The following TUSC2 variants were observed in gnomAD, a reference collection of about 807,000 sequenced individuals.
TUSC2 encodes tumor suppressor candidate 2.
In TUSC2, 7 loss-of-function variants were observed where a neutral mutation model predicts 11.5. The ratio of observed to expected loss-of-function variants is 0.61; its 90% confidence interval spans 0.35 to 1.14. The LOEUF is 1.14. Ranked by LOEUF, TUSC2 falls within the 50% of genes most tolerant of loss-of-function variation. The pLI is 0.03. For synonymous variants in TUSC2, 61 were observed against 64.1 expected, an observed-to-expected ratio of 0.95 and a Z score of 0.23; for missense variants, 132 against 155.0, an observed-to-expected ratio of 0.85 and a Z score of 0.79.
chr3:50,327,124 A>G (rs1553717479), intron 1 of TUSC2: 2 of 456,438 alleles, frequency 4.4e-6, no homozygotes, highest in Non-Finnish European at 8.8e-6. Flanking sequence ...GCCTTCACCC[A>G]GGACTTCTAG....
rs1326162707 is a variant in TUSC2, at chr3:50,325,940, C to G, written c.*181G>C. The G allele has an allele frequency of 5.4e-5, 41 of 755,668 alleles. No individual in the cohort carries two copies. Among genetic ancestry groups the G allele is most frequent in the Non-Finnish European group, 8.6e-5 (40 of 463,596 alleles). 46.8% of individuals were successfully genotyped at this position (755,668 alleles called of 1,614,324 possible). A position where few individuals can be genotyped will look rare whatever the true frequency, so the allele number is the denominator to read the frequency against. ...ACCCACCAACCACCTCTTGTCCACACACAAACCAACACCCAACCAATACTG... is the reference window on the plus strand; with the variant it reads ...ACCCACCAACCACCTCTTGTCCACAGACAAACCAACACCCAACCAATACTG... On this transcript the variant is annotated 3_prime_UTR_variant, in exon 3 of 3. Transcript: ENST00000232496. This position sits in a 1 kb window ranked among gnomAD's most constrained non-coding sequence, Gnocchi z 5.1.
chr3:50,327,340 G>C, intron 1 of TUSC2: 2 of 426,438 alleles, frequency 4.7e-6, no homozygotes, highest in Non-Finnish European at 9.5e-6. Flanking sequence ...CTCTAGCACA[G>C]GGAGCGCCCA....
Position 50,328,217 on chromosome 3 carries a change from C to T in TUSC2, c.-118G>A. On this transcript the variant is annotated 5_prime_UTR_variant, in exon 1 of 3. Transcript: ENST00000232496. ...TGCCGCCGCCGCCGCCTTCCGCAGG[C>T]TCGGCTGTCTCCACGGAAACCTCAC... 1 of 1,195,678 alleles carries T rather than the reference C, an allele frequency of 8.4e-7. No homozygotes were observed. Among genetic ancestry groups the T allele is most frequent in the East Asian group, 3.2e-5 (1 of 31,324 alleles). The allele number at this position is 1,195,678 out of a possible 1,614,324, so 74.1% of individuals were successfully genotyped here. A position where few individuals can be genotyped will look rare whatever the true frequency, so the allele number is the denominator to read the frequency against.
chr3:50,325,099 T>C lies in TUSC2; in HGVS notation c.*1022A>G, dbSNP rs587659955. ...CATCATCATGGACTATTTACAAACC[T>C]TCACATTATAAGTATTCCTTTTATG... On this transcript the variant is annotated 3_prime_UTR_variant, in exon 3 of 3. Coordinates refer to ENST00000232496, the MANE Select transcript of TUSC2 (RefSeq NM_007275.3). This position sits in a 1 kb window ranked among gnomAD's most constrained non-coding sequence, Gnocchi z 5.1. 6.5e-6 allele frequency: 1 copy of C among 152,708 alleles called. No homozygotes were observed. Among genetic ancestry groups the C allele is most frequent in the South Asian group, 2.1e-4 (1 of 4,830 alleles). 9.5% of individuals were successfully genotyped at this position (152,708 alleles called of 1,614,324 possible).
intron 1 of TUSC2, chr3:50,326,997 T>C: frequency 2.8e-6 from 1 of 356,462 alleles, no homozygotes; most frequent in Non-Finnish European, 5.5e-6. Flanking sequence ...GCAGTGCTAC[T>C]ATGTCAGACC....
chr3:50,326,525 G>A (rs782409152), intron 1 of TUSC2, 48 bp from the exon 2 acceptor site: 2 of 1,604,362 alleles, frequency 1.2e-6, no homozygotes, highest in South Asian at 2.2e-5. Context: ...CCCACACCTG[G>A]GCATGGCAAA....
In TUSC2 at chr3:50,326,157, G is replaced by A; in HGVS notation, c.297C>T (p.Ile99=). Residue 99 remains isoleucine (I), a synonymous_variant, in exon 3 of 3, where the codon ATC becomes ATT. Transcript: ENST00000232496. ...QGIVKLDHPR[I]HVDFPVILYE... Reference sequence around the variant, plus strand: ...AGAGGATCACAGGGAAATCCACGTGGATGCGGGGGTGATCCAGCTTCACGA... The same window carrying A: ...AGAGGATCACAGGGAAATCCACGTGAATGCGGGGGTGATCCAGCTTCACGA... 1 of 1,598,760 alleles carries A rather than the reference G, an allele frequency of 6.3e-7. No individual in the cohort carries two copies. The highest frequency in any genetic ancestry group is 8.5e-7 in the Non-Finnish European group (1 of 1,172,854).
In TUSC2 at chr3:50,328,046, G is replaced by T; in HGVS notation, c.54C>A (p.Ala18=). 6.7e-7 allele frequency: 1 copy of T among 1,494,938 alleles called. No homozygotes were observed. The allele number at this position is 1,494,938 out of a possible 1,614,324, so 92.6% of individuals were successfully genotyped here. A position where few individuals can be genotyped will look rare whatever the true frequency, so the allele number is the denominator to read the frequency against. ...CTGCTGCCTCTGAGCCGCCGCCTCC[G>T]GCCGCCGAGGCGAAGGGCCACAGGC... is the stretch of plus-strand genomic sequence containing the variant. ...ARGLWPFASA[A]GGGGSEAAGA... is the part of the protein sequence containing the mutation. The change falls in exon 1 of 3, where the codon GCC becomes GCA. Residue 18 remains alanine, a synonymous_variant. Coordinates refer to ENST00000232496, the MANE Select transcript of TUSC2 (RefSeq NM_007275.3).
rs1052803759 is a variant in TUSC2, at chr3:50,326,202, A to G, written c.268-16T>C. On this transcript the variant is annotated splice_polypyrimidine_tract_variant and intron_variant, in intron 2 of 2. Transcript: ENST00000232496. ...TCACGATGCCCTGCCATGGAAACAG[A>G]GGCTAGTAAGGGTCAGCTCAGGGCC... 3.1e-6 allele frequency: 5 copies of G among 1,604,518 alleles called. No individual in the cohort carries two copies. The African/African-American group carries it at 6.7e-5, about 21-fold the overall frequency.
chr3:50,328,164 A>G lies in TUSC2; in HGVS notation c.-65T>C. The G allele has an allele frequency of 7.7e-7, 1 of 1,303,720 alleles. No homozygotes were observed. The highest frequency in any genetic ancestry group is 9.8e-7 in the Non-Finnish European group (1 of 1,025,206). The allele number at this position is 1,303,720 out of a possible 1,614,324, so 80.8% of individuals were successfully genotyped here. A position where few individuals can be genotyped will look rare whatever the true frequency, so the allele number is the denominator to read the frequency against. ...TGCTCACACCGCAGTCCGCACTACC[A>G]TAACCTGCCCCAGCCGCTGATCGCA... On this transcript the variant is annotated 5_prime_UTR_variant, in exon 1 of 3. The change abolishes an upstream ATG in the 5' untranslated region. Transcript: ENST00000232496.
Position 50,326,068 on chromosome 3 carries a change from C to A in TUSC2, c.*53G>T, listed in dbSNP as rs1413687521. On this transcript the variant is annotated 3_prime_UTR_variant, in exon 3 of 3. Coordinates refer to ENST00000232496, the MANE Select transcript of TUSC2 (RefSeq NM_007275.3). ...CAATGGAAGCCACACCTTGATTGAG[C>A]CTGGGAGTTTCTTGCCGGGGCAGGG... 7 of 1,550,640 alleles carry A rather than the reference C, an allele frequency of 4.5e-6. No individual in the cohort carries two copies. The highest frequency in any genetic ancestry group is 6.1e-6 in the Non-Finnish European group (7 of 1,145,664).
At position 50,328,189 on chromosome 3, in the gene TUSC2, A is replaced by AGGTGCC; in HGVS notation, c.-96_-91dup. On this transcript the variant is annotated 5_prime_UTR_variant, in exon 1 of 3. Transcript: ENST00000232496. Reference sequence around the variant, plus strand: ...ATAACCTGCCCCAGCCGCTGATCGCAGGTGCCGCCGCCGCCGCCTTCCGCA... The same window carrying AGGTGCC: ...ATAACCTGCCCCAGCCGCTGATCGCAGGTGCCGGTGCCGCCGCCGCCGCCTTCCGCA... The AGGTGCC allele has an allele frequency of 7.8e-7, 1 of 1,283,158 alleles. No homozygotes were observed. The highest frequency in any genetic ancestry group is 9.9e-7 in the Non-Finnish European group (1 of 1,009,922). The allele number at this position is 1,283,158 out of a possible 1,614,324, so 79.5% of individuals were successfully genotyped here.
chr3:50,328,123 G>C lies in TUSC2; in HGVS notation c.-24C>G. ...ATGTCAGGGCCGCCGGCGCATGGCG[G>C]GCCCCGTGGCCGCTCTGCTCACACC... On this transcript the variant is annotated 5_prime_UTR_variant, in exon 1 of 3. Coordinates refer to ENST00000232496, the MANE Select transcript of TUSC2 (RefSeq NM_007275.3). 1 of 1,364,264 alleles carries C rather than the reference G, an allele frequency of 7.3e-7. No individual in the cohort carries two copies. Among genetic ancestry groups the C allele is most frequent in the Non-Finnish European group, 9.4e-7 (1 of 1,060,098 alleles). The allele number at this position is 1,364,264 out of a possible 1,614,324, so 84.5% of individuals were successfully genotyped here.
intron 1 of TUSC2, 77 bp from the exon 2 acceptor site, chr3:50,326,554 A>C: frequency 1.3e-6 from 2 of 1,587,834 alleles, no homozygotes; most frequent in Non-Finnish European, 1.7e-6. Context: ...GTCACGGGGA[A>C]GTCTGTGGTC....
chr3:50,327,238 CA>C, intron 1 of TUSC2: 1 of 456,716 alleles, frequency 2.2e-6, no homozygotes, highest in South Asian at 1.5e-5. Flanking sequence ...GGAAGAAGCA[CA>C]AAGGAATGAA....
At position 50,325,592 on chromosome 3, in the gene TUSC2, G is replaced by A. The variant is rs72932983; in HGVS notation, c.*529C>T. On this transcript the variant is annotated 3_prime_UTR_variant, in exon 3 of 3. Transcript: ENST00000232496. The surrounding 1 kb of genome is among the most constrained non-coding windows in gnomAD (Gnocchi z 5.1). ...CAGGTAGGTCGGAAGAATCAGGCTG[G>A]CACTGCCCCCAGCCTCTGTCCAACA... The A allele has an allele frequency of 0.034, 5,204 of 155,112 alleles. 302 individuals carry two copies. Among genetic ancestry groups the A allele is most frequent in the African/African-American group, 0.12 (4,915 of 41,512 alleles). The allele number at this position is 155,112 out of a possible 1,614,324, so 9.6% of individuals were successfully genotyped here.
rs1553717370 is a variant in TUSC2, at chr3:50,326,183, T to C, written c.271A>G (p.Ile91Val). 1 of 1,602,310 alleles carries C rather than the reference T, an allele frequency of 6.2e-7. No homozygotes were observed. Among genetic ancestry groups the C allele is most frequent in the African/African-American group, 1.3e-5 (1 of 74,722 alleles). The change falls in exon 3 of 3, where the codon ATC becomes GTC. Residue 91 changes from isoleucine (I) to valine (V), a missense_variant. Physicochemically the swap from Ile to Val is conservative, Grantham distance 29 (BLOSUM62 3). Coordinates refer to ENST00000232496, the MANE Select transcript of TUSC2 (RefSeq NM_007275.3). ...ATGCGGGGGTGATCCAGCTTCACGA[T>C]GCCCTGCCATGGAAACAGAGGCTAG... The part of the protein sequence containing the change: ...RVHKNLIPQG[I>V]VKLDHPRIHV...
intron 1 of TUSC2, among the ~76,000 whole-genome samples, chr3:50,326,845 T>C (rs1553717455): frequency 1.3e-5 from 2 of 152,178 alleles, no homozygotes; most frequent in Non-Finnish European, 2.9e-5. Flanking sequence ...CTCGAACTCC[T>C]GAACTCAGGC....
chr3:50,327,272 C>T (rs1702802275), intron 1 of TUSC2: 1 of 456,160 alleles, frequency 2.2e-6, no homozygotes, highest in Admixed American at 2.3e-5. Flanking sequence ...CCTGACCCCA[C>T]ACCCCAGGTG....
Sources: allele counts gnomAD v4.1 joint callset (sites outside exome capture counted in the v4.1 genomes callset), GRCh38; gene constraint gnomAD v4.1.1; non-coding constraint Gnocchi (gnomAD v3.1); transcripts MANE v1.5; gene names NCBI Gene and HGNC (gene_info 2026-07-23, HGNC 2026-07-21).